The following FCHSD2 variants were observed in gnomAD, a reference collection of about 807,000 sequenced individuals.
FCHSD2 encodes the protein F-BAR and double SH3 domains protein 2.
FCHSD2 carries 38 observed loss-of-function variants against 108.1 expected under a neutral mutation model. That is an observed-to-expected ratio of 0.35 (90% CI 0.27 to 0.46). The LOEUF (loss-of-function observed/expected upper bound fraction) is 0.46. FCHSD2 is among the 20% of genes least tolerant of loss of function. The pLI, the probability that FCHSD2 is intolerant of heterozygous loss-of-function variation, is 1.00. For synonymous variants in FCHSD2, 279 were observed against 314.7 expected (o/e 0.89, Z 1.20); for missense variants, 751 against 897.8 (o/e 0.84, Z 2.09).
intron 3 of FCHSD2, among the ~76,000 whole-genome samples, chr11:73,046,424 C>T (rs545614494): frequency 3.1e-4 from 47 of 152,218 alleles, no homozygotes; most frequent in African/African-American, 1.1e-3. Context: ...TGTCTGAATA[C>T]CAATTTTCAT....
At chr11:73,008,226 C>G (rs1857784286) in intron 4 of FCHSD2, among the ~76,000 whole-genome samples, 1 of 152,050 alleles carries the variant, frequency 6.6e-6, no homozygotes, top group Non-Finnish European at 1.5e-5. Flanking sequence ...GTAATCCCAG[C>G]TACTCAGGAG....
At chr11:72,913,328 G>A (rs1038184308) in intron 9 of FCHSD2, among the ~76,000 whole-genome samples, 17 of 152,162 alleles carry the variant, frequency 1.1e-4, no homozygotes, top group African/African-American at 3.6e-4. Flanking sequence ...AAGTGCAGCA[G>A]TGCAATCCTG....
At chr11:72,982,932 G>A (rs1857240388) in intron 8 of FCHSD2, among the ~76,000 whole-genome samples, 1 of 152,150 alleles carries the variant, frequency 6.6e-6, no homozygotes, top group African/African-American at 2.4e-5. Context: ...AAGCTTAGGA[G>A]GGAGGATCAC....
chr11:72,943,921 T>A (rs1856469177), intron 8 of FCHSD2, among the ~76,000 whole-genome samples: 1 of 152,196 alleles, frequency 6.6e-6, no homozygotes, highest in African/African-American at 2.4e-5. Context: ...ACTCAGACTT[T>A]AATCATTATT....
intron 3 of FCHSD2, among the ~76,000 whole-genome samples, chr11:73,021,233 TAA>T (rs1183952789): frequency 9.6e-5 from 10 of 104,284 alleles, no homozygotes; most frequent in South Asian, 2.7e-4. Flanking sequence ...AAACATAGAA[TAA>T]AAAAAAAAAA....
chr11:73,014,825 T>C (rs994496353), intron 4 of FCHSD2, among the ~76,000 whole-genome samples: 9 of 152,074 alleles, frequency 5.9e-5, no homozygotes, highest in East Asian at 1.9e-4. Flanking sequence ...TACTTCCAAA[T>C]TGACCTCAAA....
chr11:72,923,676 T>C (rs1361905070), intron 8 of FCHSD2, among the ~76,000 whole-genome samples: 1 of 152,150 alleles, frequency 6.6e-6, no homozygotes, highest in African/African-American at 2.4e-5. Flanking sequence ...GTGTGGTGGG[T>C]CACGCCTGTA....
Position 73,134,480 on chromosome 11 carries a change from AG to A in FCHSD2, c.119+5550del, listed in dbSNP as rs1423626353. ...GCGAGACCCTGTCTCAAAAAAAAAA[AG>A]TCTCAGAACATCCATAAACAGACCT... On this transcript the variant is annotated intron_variant, in intron 2 of 19. Coordinates refer to ENST00000409418, the MANE Select transcript of FCHSD2 (RefSeq NM_014824.3). Among the ~76,000 whole-genome samples, 5 of 152,110 alleles carry A rather than the reference AG, an allele frequency of 3.3e-5. No individual in the cohort carries two copies. In the East Asian group the frequency reaches 9.6e-4, roughly 29 times the overall value.
intron 12 of FCHSD2, among the ~76,000 whole-genome samples, chr11:72,871,424 G>C (rs1466186227): frequency 1.3e-5 from 2 of 152,160 alleles, no homozygotes; most frequent in South Asian, 2.1e-4. Flanking sequence ...CTTTTGCTTA[G>C]CAAGTAATGC....
chr11:72,987,458 G>C (rs1857331316), intron 6 of FCHSD2, among the ~76,000 whole-genome samples: 1 of 152,140 alleles, frequency 6.6e-6, no homozygotes, highest in Admixed American at 6.5e-5. Flanking sequence ...TAAATTCCTT[G>C]AGGGCACAAA....
In FCHSD2 at chr11:72,837,374, C is replaced by G; in HGVS notation, c.*1417G>C. The G allele has an allele frequency of 6.6e-6, 1 of 151,284 alleles. No individual in the cohort carries two copies. Among genetic ancestry groups the G allele is most frequent in the East Asian group, 2.0e-4 (1 of 5,116 alleles). 9.4% of individuals were successfully genotyped at this position (151,284 alleles called of 1,614,324 possible). On this transcript the variant is annotated 3_prime_UTR_variant, in exon 20 of 20. Coordinates refer to ENST00000409418, the MANE Select transcript of FCHSD2 (RefSeq NM_014824.3). Reference sequence around the variant, plus strand: ...CCATGGGGACATTTGGCGAGCATTTCAAGTTTTTTAAGATTCTTAGGAGGG... The same window carrying G: ...CCATGGGGACATTTGGCGAGCATTTGAAGTTTTTTAAGATTCTTAGGAGGG...
At chr11:72,988,209 G>A (rs377737266) in intron 6 of FCHSD2, among the ~76,000 whole-genome samples, 1 of 152,140 alleles carries the variant, frequency 6.6e-6, no homozygotes, top group Non-Finnish European at 1.5e-5. Context: ...TCAGCACACT[G>A]ACCCTGAGTC....
chr11:73,068,893 T>C (rs993834210), intron 3 of FCHSD2, among the ~76,000 whole-genome samples: 1 of 150,226 alleles, frequency 6.7e-6, no homozygotes, highest in African/African-American at 2.5e-5. Context: ...CATGTGCCTG[T>C]AGTCCCAGCT....
intron 9 of FCHSD2, among the ~76,000 whole-genome samples, chr11:72,903,494 C>A (rs1004830512): frequency 2.0e-5 from 3 of 152,152 alleles, no homozygotes; most frequent in African/African-American, 4.8e-5. Flanking sequence ...GCTGGGATTA[C>A]AGGCGTGAGC....
At chr11:72,878,978 C>T (rs925820748) in intron 12 of FCHSD2, among the ~76,000 whole-genome samples, 3 of 152,002 alleles carry the variant, frequency 2.0e-5, no homozygotes, top group African/African-American at 7.3e-5. Context: ...GTTTTGGTGG[C>T]GGGCACCTGT....
intron 2 of FCHSD2, among the ~76,000 whole-genome samples, chr11:73,122,738 A>G (rs1211156328): frequency 2.6e-5 from 4 of 152,334 alleles, no homozygotes; most frequent in Non-Finnish European, 5.9e-5. Flanking sequence ...ACTTAGAAAA[A>G]AAGTCTCTAT....
At chr11:72,992,660 C>G (rs867259350) in intron 5 of FCHSD2, among the ~76,000 whole-genome samples, 2 of 152,028 alleles carry the variant, frequency 1.3e-5, no homozygotes, top group African/African-American at 2.4e-5. Flanking sequence ...AATGGGGAAA[C>G]GATTCCCTAT....
intron 8 of FCHSD2, among the ~76,000 whole-genome samples, chr11:72,957,972 ATTC>A (rs1174483419): frequency 1.3e-5 from 2 of 152,216 alleles, no homozygotes; most frequent in South Asian, 2.1e-4. Context: ...ATAAAAACCT[ATTC>A]TTCATTTCTA....
rs559523374 is a variant in FCHSD2, at chr11:72,850,493, A to G, written c.1309-604T>C. 6.6e-5 allele frequency among the ~76,000 whole-genome samples: 10 copies of G among 151,800 alleles called. No homozygotes were observed. The South Asian group carries it at 1.9e-3, about 28-fold the overall frequency. On this transcript the variant is annotated intron_variant, in intron 13 of 19. Coordinates refer to ENST00000409418, the MANE Select transcript of FCHSD2 (RefSeq NM_014824.3). The stretch of plus-strand genomic sequence containing the variant: ...CTCAGCCTCCCGAGTAGCTGGGACT[A>G]CAGGTGCCCACCACCACGCCCGGCT...
Sources: gnomAD v4.1 joint callset for allele counts (sites outside exome capture counted in the v4.1 genomes callset) on GRCh38, gnomAD v4.1.1 for gene constraint, MANE v1.5 for transcripts, NCBI Gene and HGNC (gene_info 2026-07-23, HGNC 2026-07-21) for gene names.